Variants in GABRA2 observed in about 807,000 individuals in gnomAD.
The protein encoded by GABRA2 is gamma-aminobutyric acid receptor subunit alpha-2.
GABRA2 carries 16 observed loss-of-function variants against 48.7 expected under a neutral mutation model. The ratio of observed to expected loss-of-function variants is 0.33; its 90% confidence interval spans 0.22 to 0.50. The LOEUF is 0.50. Among genes scored for constraint, GABRA2 ranks in the 20% least tolerant of loss-of-function variants. GABRA2 has a pLI of 0.98. For synonymous variants in GABRA2, 185 were observed against 184.5 expected, an observed-to-expected ratio of 1.00 and a Z score of -0.02; for missense variants, 275 against 535.6, an observed-to-expected ratio of 0.51 and a Z score of 4.80.
intron 9 of GABRA2, among the ~76,000 whole-genome samples, chr4:46,254,818 G>A (rs541583459): frequency 2.6e-5 from 4 of 151,560 alleles, no homozygotes; most frequent in African/African-American, 9.7e-5. Flanking sequence ...GCAAAAAAAT[G>A]TCCAGAAGTG....
At chr4:46,322,771 C>T (rs1308026953) in intron 4 of GABRA2, among the ~76,000 whole-genome samples, 2 of 151,816 alleles carry the variant, frequency 1.3e-5, no homozygotes, top group African/African-American at 4.8e-5. Context: ...GGATACTGAG[C>T]CATAATGTTT....
intron 3 of GABRA2, among the ~76,000 whole-genome samples, chr4:46,376,843 C>T (rs1301056158): frequency 6.6e-6 from 1 of 152,060 alleles, no homozygotes; most frequent in Non-Finnish European, 1.5e-5. Flanking sequence ...GGTACTGCTG[C>T]CTGATTCTCC....
At chr4:46,324,518 A>G (rs1729998094) in intron 4 of GABRA2, among the ~76,000 whole-genome samples, 1 of 152,040 alleles carries the variant, frequency 6.6e-6, no homozygotes, top group Non-Finnish European at 1.5e-5. Context: ...TTTTATTTTA[A>G]AAATCACTAC....
intron 3 of GABRA2, among the ~76,000 whole-genome samples, chr4:46,361,327 C>A (rs1713151378): frequency 6.6e-6 from 1 of 152,098 alleles, no homozygotes; most frequent in Non-Finnish European, 1.5e-5. Context: ...CCCAGTTGAT[C>A]CAGCTGTGAC....
intron 6 of GABRA2, among the ~76,000 whole-genome samples, chr4:46,308,034 G>T (rs73131393): frequency 0.051 from 7,721 of 152,102 alleles, 665 homozygotes; most frequent in African/African-American, 0.18. Flanking sequence ...AATCTTGTTT[G>T]TGTTAATTAA....
intron 3 of GABRA2, among the ~76,000 whole-genome samples, chr4:46,362,460 G>A (rs1168191958): frequency 1.3e-5 from 2 of 152,140 alleles, no homozygotes; most frequent in African/African-American, 2.4e-5. Context: ...TCCCAGGTAT[G>A]TCTTTATCAG....
chr4:46,281,196 A>G (rs921460315), intron 8 of GABRA2, among the ~76,000 whole-genome samples: 2 of 152,186 alleles, frequency 1.3e-5, no homozygotes, highest in Non-Finnish European at 2.9e-5. Context: ...TTTTGTGCAG[A>G]TTGAGTTTGT....
intron 9 of GABRA2, among the ~76,000 whole-genome samples, chr4:46,254,495 G>T (rs1715421169): frequency 6.6e-6 from 1 of 151,354 alleles, no homozygotes; most frequent in Non-Finnish European, 1.5e-5. Flanking sequence ...ATCTCATGCT[G>T]TATTTCTACT....
rs999468534 is a variant in GABRA2, at chr4:46,264,472, G to A, written c.857-2344C>T. 7.2e-5 allele frequency among the ~76,000 whole-genome samples: 11 copies of A among 151,948 alleles called. No individual in the cohort carries two copies. In the South Asian group the frequency reaches 1.7e-3, roughly 23 times the overall value. Reference sequence around the variant, plus strand: ...ATTTTTTTTCACTTTCCATAAATATGTTGTATTATATTGATTTGATTTTTG... The same window carrying A: ...ATTTTTTTTCACTTTCCATAAATATATTGTATTATATTGATTTGATTTTTG... On this transcript the variant is annotated intron_variant, in intron 8 of 9. Transcript: ENST00000381620.
intron 8 of GABRA2, among the ~76,000 whole-genome samples, chr4:46,295,460 C>A (rs926818340): frequency 3.3e-5 from 5 of 152,168 alleles, no homozygotes; most frequent in Non-Finnish European, 5.9e-5. Flanking sequence ...CAATGGGTGA[C>A]CTCAGCAGAA....
chr4:46,290,210 T>C (rs1008020729), intron 8 of GABRA2, among the ~76,000 whole-genome samples: 3 of 151,990 alleles, frequency 2.0e-5, no homozygotes, highest in Non-Finnish European at 4.4e-5. Flanking sequence ...GGCCTGAGTA[T>C]ACCAGTTTTG....
chr4:46,312,403 C>A (rs963185719), intron 5 of GABRA2, 93 bp downstream of exon 5: 16 of 786,812 alleles, frequency 2.0e-5, no homozygotes, highest in Non-Finnish European at 2.7e-5. Context: ...AAACACTCAA[C>A]TTTGTTAATA....
At chr4:46,277,303 G>A (rs1720689696) in intron 8 of GABRA2, among the ~76,000 whole-genome samples, 1 of 152,150 alleles carries the variant, frequency 6.6e-6, no homozygotes, top group Non-Finnish European at 1.5e-5. Context: ...AGGGAGGAGG[G>A]CTGCTGGTGG....
At chr4:46,266,955 C>T (rs1214473321) in intron 8 of GABRA2, among the ~76,000 whole-genome samples, 1 of 151,940 alleles carries the variant, frequency 6.6e-6, no homozygotes, top group Non-Finnish European at 1.5e-5. Flanking sequence ...AACTCCTGAC[C>T]TCAGATGATC....
chr4:46,273,986 A>G (rs190313291), intron 8 of GABRA2, among the ~76,000 whole-genome samples: 10 of 152,216 alleles, frequency 6.6e-5, no homozygotes, highest in Admixed American at 6.6e-4. Flanking sequence ...CTTTACTCAT[A>G]TATCTTAGCT....
chr4:46,299,656 T>C (rs1478230360), intron 8 of GABRA2, among the ~76,000 whole-genome samples: 1 of 147,876 alleles, frequency 6.8e-6, no homozygotes, highest in Non-Finnish European at 1.5e-5. Context: ...TATTACATGT[T>C]GGAGAATTGG....
intron 8 of GABRA2, among the ~76,000 whole-genome samples, chr4:46,275,479 T>A (rs1301784984): frequency 6.6e-6 from 1 of 152,106 alleles, no homozygotes; most frequent in African/African-American, 2.4e-5. Flanking sequence ...ACCAGGGGTA[T>A]CGCTCCAGGA....
chr4:46,337,171 A>T (rs1732390867), intron 3 of GABRA2, among the ~76,000 whole-genome samples: 1 of 152,164 alleles, frequency 6.6e-6, no homozygotes. Context: ...TTTGTAATAC[A>T]AGAAATGTCT....
Position 46,286,488 on chromosome 4 carries a change from CG to C in GABRA2, c.856+16971del, listed in dbSNP as rs200612312. 8.6e-3 allele frequency among the ~76,000 whole-genome samples: 1,312 copies of C among 152,058 alleles called. 22 individuals carry two copies. The highest frequency in any genetic ancestry group is 0.031 in the African/African-American group (1,271 of 41,506). On this transcript the variant is annotated intron_variant, in intron 8 of 9. Coordinates refer to ENST00000381620, the MANE Select transcript of GABRA2 (RefSeq NM_000807.4). ...TTAGAGGTAGAATTGCAGGGTCTTA[CG>C]GTAATTCTCTGTCTAACTTTGTAAG... is the stretch of plus-strand genomic sequence containing the variant.
Sources: gnomAD v4.1 joint callset for allele counts (sites outside exome capture counted in the v4.1 genomes callset) on GRCh38, gnomAD v4.1.1 for gene constraint, MANE v1.5 for transcripts, NCBI Gene and HGNC (gene_info 2026-07-23, HGNC 2026-07-21) for gene names.